C19orf25: variants seen among roughly 807,000 people sequenced by gnomAD.
C19orf25 encodes the protein UPF0449 protein C19orf25.
In C19orf25, 1 loss-of-function variant was observed where a neutral mutation model predicts 3.1. That is an observed-to-expected ratio of 0.32 (90% CI 0.12 to 1.54). C19orf25 has a LOEUF of 1.54. Ranked by LOEUF, C19orf25 falls within the 40% of genes most tolerant of loss-of-function variation. The probability of loss-of-function intolerance (pLI) is 0.38; values close to 1 mark genes in which losing one functional copy is unlikely to be tolerated. For missense variants in C19orf25, 196 were observed against 160.4 expected (o/e 1.22, Z -1.20); for synonymous variants, 91 against 74.3 (o/e 1.23, Z -1.16).
intron 2 of C19orf25, chr19:1,476,125 C>G (rs543790017): frequency 1.3e-5 from 5 of 398,498 alleles, no homozygotes; most frequent in African/African-American, 2.1e-5. Context: ...TGCTCCCCCA[C>G]GTATGCAAGC....
Position 1,474,653 on chromosome 19 carries a change from C to A in C19orf25, c.*379G>T, listed in dbSNP as rs765859939. The stretch of plus-strand genomic sequence containing the variant: ...CACAGTTAACACCTCGATCCCAACA[C>A]CTGGACTCAGAAGTGGACAGGCGAG... On this transcript the variant is annotated 3_prime_UTR_variant, in exon 3 of 3. Transcript: ENST00000585675. 3.1e-6 allele frequency: 2 copies of A among 642,148 alleles called. No homozygotes were observed. Among genetic ancestry groups the A allele is most frequent in the Admixed American group, 6.4e-5 (2 of 31,176 alleles). 39.8% of individuals were successfully genotyped at this position (642,148 alleles called of 1,614,324 possible).
intron 2 of C19orf25, among the ~76,000 whole-genome samples, chr19:1,477,071 C>G (rs1428075396): frequency 6.6e-6 from 1 of 151,588 alleles, no homozygotes; most frequent in African/African-American, 2.4e-5. Flanking sequence ...ACGATCTCAG[C>G]TCACTGCAAC....
intron 2 of C19orf25, among the ~76,000 whole-genome samples, chr19:1,477,726 A>C (rs2084219806): frequency 6.6e-6 from 1 of 152,132 alleles, no homozygotes; most frequent in Admixed American, 6.5e-5. Context: ...ACCCACCCCC[A>C]TTTAAAAATG....
In C19orf25 at chr19:1,478,847, C is replaced by G. The variant is rs774937838; in HGVS notation, c.57G>C (p.Thr19=). The G allele has an allele frequency of 1.3e-6, 2 of 1,595,144 alleles. No homozygotes were observed. The highest frequency in any genetic ancestry group is 1.7e-6 in the Non-Finnish European group (2 of 1,172,384). Residue 19 remains threonine, a synonymous_variant, in exon 2 of 3, where the codon ACG becomes ACC. Transcript: ENST00000585675. The part of the protein sequence containing the change: ...VLLPTRPAPP[T]VEQILEDVRG... ...GCACATCCTCCAGGATCTGCTCCACCGTGGGGGGCGCTGGGCGGGTGGGCA... is the reference window on the plus strand; with the variant it reads ...GCACATCCTCCAGGATCTGCTCCACGGTGGGGGGCGCTGGGCGGGTGGGCA...
chr19:1,476,923 T>A (rs897243092), intron 2 of C19orf25, among the ~76,000 whole-genome samples: 2 of 145,750 alleles, frequency 1.4e-5, no homozygotes, highest in Non-Finnish European at 3.1e-5. Flanking sequence ...GCCCCAGAAT[T>A]TTCTAATATT....
chr19:1,478,515 C>T (rs2084229362), intron 2 of C19orf25: 4 of 1,143,380 alleles, frequency 3.5e-6, no homozygotes, highest in Non-Finnish European at 4.5e-6. Context: ...CTCAAGCGAT[C>T]CTCCCGCCTC....
chr19:1,476,495 A>G, intron 2 of C19orf25: 1 of 390,646 alleles, frequency 2.6e-6, no homozygotes. Context: ...TGGGAATAAA[A>G]CCAACTCATG....
At position 1,479,169 on chromosome 19, in the gene C19orf25, G is replaced by A. The variant is rs1316917267; in HGVS notation, c.-9C>T. 34 of 1,279,556 alleles carry A rather than the reference G, an allele frequency of 2.7e-5. No homozygotes were observed. Among genetic ancestry groups the A allele is most frequent in the Non-Finnish European group, 3.4e-5 (34 of 1,014,372 alleles). The allele number at this position is 1,279,556 out of a possible 1,614,324, so 79.3% of individuals were successfully genotyped here. A position where few individuals can be genotyped will look rare whatever the true frequency, so the allele number is the denominator to read the frequency against. On this transcript the variant is annotated 5_prime_UTR_variant, in exon 1 of 3. Coordinates refer to ENST00000585675, the MANE Select transcript of C19orf25 (RefSeq NM_152482.3). Reference sequence around the variant, plus strand: ...GTCGCCGGCCTCTTCCCACCTGGGCGCGGGACCCGAAAGCCCAGCGTCGAC... The same window carrying A: ...GTCGCCGGCCTCTTCCCACCTGGGCACGGGACCCGAAAGCCCAGCGTCGAC...
intron 1 of C19orf25, 114 bp downstream of exon 1, chr19:1,479,049 C>A (rs2084237240): frequency 1.4e-6 from 2 of 1,384,678 alleles, no homozygotes; most frequent in Non-Finnish European, 1.9e-6. Flanking sequence ...TCTGAGCTCG[C>A]CCCAGGCCCT....
chr19:1,477,301 C>A (rs2084215116), intron 2 of C19orf25, among the ~76,000 whole-genome samples: 1 of 152,284 alleles, frequency 6.6e-6, no homozygotes, highest in South Asian at 2.1e-4. Context: ...CGCACCTGGC[C>A]GATTCATCTT....
At chr19:1,476,474 G>A (rs1010800638) in intron 2 of C19orf25, 8 of 393,544 alleles carry the variant, frequency 2.0e-5, no homozygotes, top group Admixed American at 4.4e-5. Context: ...TCAGGTGACC[G>A]AACTGCATGC....
intron 2 of C19orf25, among the ~76,000 whole-genome samples, chr19:1,476,858 C>T (rs1349009988): frequency 6.6e-6 from 1 of 152,168 alleles, no homozygotes; most frequent in Admixed American, 6.6e-5. Context: ...TCAAGTCATC[C>T]TCCTGCCTCA....
chr19:1,478,012 G>C (rs942790705), intron 2 of C19orf25, among the ~76,000 whole-genome samples: 3 of 151,828 alleles, frequency 2.0e-5, no homozygotes, highest in Admixed American at 1.3e-4. Context: ...GCTAATTTTT[G>C]TATTTTTAGT....
intron 2 of C19orf25, chr19:1,478,374 G>C (rs2084227645): frequency 1.1e-5 from 4 of 355,406 alleles, no homozygotes; most frequent in Non-Finnish European, 2.0e-5. Context: ...CCGAGTAGCT[G>C]AGATTACAGG....
intron 2 of C19orf25, among the ~76,000 whole-genome samples, chr19:1,476,862 T>C (rs1213318484): frequency 1.3e-5 from 2 of 152,152 alleles, no homozygotes; most frequent in Admixed American, 6.6e-5. Flanking sequence ...GTCATCCTCC[T>C]GCCTCAGCCT....
intron 1 of C19orf25, 115 bp from the exon 2 acceptor site, chr19:1,479,020 G>GC: frequency 5.0e-6 from 7 of 1,396,724 alleles, no homozygotes; most frequent in Non-Finnish European, 6.5e-6. Flanking sequence ...TCCCGGGGAA[G>GC]CCCGCCCTGT....
Position 1,474,733 on chromosome 19 carries a change from G to T in C19orf25, c.*299C>A. The T allele has an allele frequency of 7.2e-7, 1 of 1,382,698 alleles. No homozygotes were observed. The allele number at this position is 1,382,698 out of a possible 1,614,324, so 85.7% of individuals were successfully genotyped here. ...ACCTGCTCCCAGGGGCCCCACTGCA[G>T]AGCACGGCCACTGTGAGCTGACGAC... is the stretch of plus-strand genomic sequence containing the variant. On this transcript the variant is annotated 3_prime_UTR_variant, in exon 3 of 3. Transcript: ENST00000585675.
In C19orf25 at chr19:1,475,114, C is replaced by A. The variant is rs561014355; in HGVS notation, c.275G>T (p.Arg92Leu). ...VLRQRCELLQ[R>L]AGEDLEREVA... ...CTCCCGCTCCAGGTCCTCGCCGGCT[C>A]GCTGCAGGAGCTCACACCTCTGCCT... The change falls in exon 3 of 3, where the codon CGA (arginine) becomes CTA (leucine). Residue 92 changes from arginine to leucine, a missense_variant. Physicochemically the swap from Arg to Leu is moderately radical, Grantham distance 102 (BLOSUM62 -2). Transcript: ENST00000585675. 1.2e-6 allele frequency: 2 copies of A among 1,604,172 alleles called. No homozygotes were observed. Among genetic ancestry groups the A allele is most frequent in the East Asian group, 4.5e-5 (2 of 44,430 alleles).
intron 2 of C19orf25, chr19:1,476,266 T>G (rs1021899358): frequency 9.3e-5 from 37 of 398,680 alleles, no homozygotes; most frequent in Middle Eastern, 6.2e-4. Context: ...CGCACGGGTC[T>G]GGGCTGATCA....
Sources: allele counts gnomAD v4.1 joint callset (sites outside exome capture counted in the v4.1 genomes callset), GRCh38; gene constraint gnomAD v4.1.1; transcripts MANE v1.5; gene names NCBI Gene and HGNC (gene_info 2026-07-23, HGNC 2026-07-21).